Variants in UIMC1 observed in about 807,000 individuals in gnomAD.
UIMC1 encodes the protein ubiquitin interaction motif containing 1, also known as BRCA1-A complex subunit RAP80.
UIMC1 carries 42 observed loss-of-function variants against 84.9 expected under a neutral mutation model. The observed-to-expected ratio is 0.49, with a 90% CI of 0.39 to 0.64. The LOEUF is 0.64. UIMC1 is among the 30% of genes least tolerant of loss of function. The pLI, the probability that UIMC1 is intolerant of heterozygous loss-of-function variation, is 0.00. For synonymous variants in UIMC1, 281 were observed against 293.0 expected, an observed-to-expected ratio of 0.96 and a Z score of 0.42; for missense variants, 825 against 847.6, an observed-to-expected ratio of 0.97 and a Z score of 0.33.
intron 13 of UIMC1, 84 bp downstream of exon 13, chr5:176,907,030 G>C (rs1759475649): frequency 7.1e-7 from 1 of 1,417,274 alleles, no homozygotes; most frequent in African/African-American, 1.4e-5. Context: ...GATAACCACA[G>C]CAAATAGTCA....
intron 10 of UIMC1, among the ~76,000 whole-genome samples, chr5:176,911,787 T>G (rs1037571466): frequency 6.6e-6 from 1 of 152,140 alleles, no homozygotes; most frequent in Non-Finnish European, 1.5e-5. Flanking sequence ...ATGATAGCCA[T>G]CCGAGTGCCT....
intron 10 of UIMC1, among the ~76,000 whole-genome samples, chr5:176,914,686 G>A (rs1760740741): frequency 6.6e-6 from 1 of 152,190 alleles, no homozygotes; most frequent in Non-Finnish European, 1.5e-5. Flanking sequence ...GAAGAGGAAG[G>A]AGGCATACTT....
At chr5:177,001,549 G>A (rs1238326400) in intron 1 of UIMC1, 1 of 152,024 alleles carries the variant, frequency 6.6e-6, no homozygotes, top group Non-Finnish European at 1.5e-5. Context: ...ATTCCTATAA[G>A]AATCCCACTA....
intron 1 of UIMC1, among the ~76,000 whole-genome samples, chr5:176,994,531 A>G (rs1210119605): frequency 2.2e-5 from 3 of 137,632 alleles, no homozygotes; most frequent in East Asian, 2.2e-4. Flanking sequence ...AAAAAAAAAA[A>G]GTATAACTGT....
At chr5:176,998,852 T>C (rs1255261771) in intron 1 of UIMC1, among the ~76,000 whole-genome samples, 1 of 152,130 alleles carries the variant, frequency 6.6e-6, no homozygotes, top group Non-Finnish European at 1.5e-5. Flanking sequence ...ATTTTTCTCC[T>C]TTATTCAAAA....
intron 1 of UIMC1, among the ~76,000 whole-genome samples, chr5:177,004,789 A>C (rs1454262236): frequency 6.6e-6 from 1 of 152,222 alleles, no homozygotes; most frequent in Non-Finnish European, 1.5e-5. Context: ...GGTAATTTAA[A>C]ATCTTGACAG....
At chr5:176,948,864 C>A (rs192314867) in intron 9 of UIMC1, among the ~76,000 whole-genome samples, 85 of 152,234 alleles carry the variant, frequency 5.6e-4, no homozygotes, top group Non-Finnish European at 1.1e-3. Context: ...CTACACAGAT[C>A]CCAATGGCAA....
chr5:176,976,163 A>G (rs1223561498), intron 2 of UIMC1, among the ~76,000 whole-genome samples: 1 of 151,974 alleles, frequency 6.6e-6, no homozygotes, highest in East Asian at 1.9e-4. Context: ...TTTTTTAATT[A>G]AAAAGAATTT....
upstream of UIMC1, among the ~76,000 whole-genome samples, chr5:177,010,825 G>A (rs982957196): frequency 8.5e-5 from 13 of 152,126 alleles, no homozygotes; most frequent in African/African-American, 3.1e-4. Context: ...TTTTCAAAAG[G>A]GGGCTGGAGG....
At chr5:177,019,825 G>A (rs1054482489) in intron 1 of UIMC1, among the ~76,000 whole-genome samples, 1 of 151,822 alleles carries the variant, frequency 6.6e-6, no homozygotes. Context: ...CCAGCTACTC[G>A]GGAGGCTGAG....
intron 8 of UIMC1, among the ~76,000 whole-genome samples, chr5:176,953,531 C>CACACACA (rs58679830): frequency 1.0e-4 from 15 of 150,668 alleles, no homozygotes; most frequent in African/African-American, 2.2e-4. Context: ...CACACACACA[C>CACACACA]CTTATTGGAA....
intron 7 of UIMC1, 98 bp from the exon 8 acceptor site, chr5:176,956,133 A>C: frequency 8.8e-7 from 1 of 1,135,776 alleles, no homozygotes; most frequent in Non-Finnish European, 1.3e-6. Context: ...ACAGGTAATC[A>C]CAGATACTTG....
At position 176,905,502 on chromosome 5, in the gene UIMC1, A is replaced by T. The variant is rs556855516; in HGVS notation, c.1950-10T>A. ...CCCTGGTGAAGGCACCCTAGAGAGA[A>T]GGAAAAAAATTCAGATTCAATATAC... On this transcript the variant is annotated splice_polypyrimidine_tract_variant and intron_variant, in intron 14 of 14. Transcript: ENST00000511320. The T allele has an allele frequency of 1.9e-5, 30 of 1,612,114 alleles. No homozygotes were observed. The African/African-American group carries it at 2.9e-4, about 16-fold the overall frequency.
intron 1 of UIMC1, among the ~76,000 whole-genome samples, chr5:177,020,516 C>T (rs141055143): frequency 0.05 from 7,608 of 152,236 alleles, 337 homozygotes; most frequent in African/African-American, 0.12. Context: ...CTGCAAGCTC[C>T]GCCTGCTGGG....
At chr5:176,905,519 T>A in intron 14 of UIMC1, 27 bp from the exon 15 acceptor site, 1 of 1,604,810 alleles carries the variant, frequency 6.2e-7, no homozygotes, top group Non-Finnish European at 8.5e-7. Context: ...AAATTCAGAT[T>A]CAATATACAC....
chr5:176,959,398 T>C (rs1246468250), intron 6 of UIMC1, among the ~76,000 whole-genome samples: 1 of 152,178 alleles, frequency 6.6e-6, no homozygotes, highest in Non-Finnish European at 1.5e-5. Flanking sequence ...AAAGCATATC[T>C]CAAACCTTCT....
At position 176,997,956 on chromosome 5, in the gene UIMC1, C is replaced by A. The variant is rs12109486; in HGVS notation, c.-9+8694G>T. On this transcript the variant is annotated intron_variant, in intron 1 of 14. Coordinates refer to ENST00000511320, the MANE Select transcript of UIMC1 (RefSeq NM_001199298.2). ...TCTCATCCTTCAGAAGAATAACTTT[C>A]TCAGAGAAATCTTTCTTGGCTCCCC... Among the ~76,000 whole-genome samples, 5 of 152,216 alleles carry A rather than the reference C, an allele frequency of 3.3e-5. No homozygotes were observed. The South Asian group carries it at 1.0e-3, about 32-fold the overall frequency.
chr5:176,996,970 G>C (rs1773698432), intron 1 of UIMC1, among the ~76,000 whole-genome samples: 2 of 152,096 alleles, frequency 1.3e-5, no homozygotes, highest in Admixed American at 6.6e-5. Context: ...GCACAGCAGA[G>C]ACCACAATAG....
intron 10 of UIMC1, among the ~76,000 whole-genome samples, chr5:176,939,480 A>T (rs1403551579): frequency 1.3e-5 from 2 of 152,006 alleles, no homozygotes; most frequent in Non-Finnish European, 2.9e-5. Flanking sequence ...ATAATACCAT[A>T]TTTTTACTAT....
Sources: allele counts gnomAD v4.1 joint callset (sites outside exome capture counted in the v4.1 genomes callset), GRCh38; gene constraint gnomAD v4.1.1; transcripts MANE v1.5; gene names NCBI Gene and HGNC (gene_info 2026-07-23, HGNC 2026-07-21).